Variants in ATP8A1 observed in about 807,000 individuals in gnomAD.
The protein encoded by ATP8A1 is phospholipid-transporting ATPase IA.
In ATP8A1, 90 loss-of-function variants were observed where a neutral mutation model predicts 177.7. The observed-to-expected ratio is 0.51, with a 90% CI of 0.43 to 0.60. ATP8A1 has a LOEUF of 0.60. Among genes scored for constraint, ATP8A1 ranks in the 20% least tolerant of loss-of-function variants. The pLI, the probability that ATP8A1 is intolerant of heterozygous loss-of-function variation, is 0.00. For missense variants in ATP8A1, 1,072 were observed against 1,392.8 expected (o/e 0.77, Z 3.67); for synonymous variants, 493 against 485.9 (o/e 1.01, Z -0.19).
intron 24 of ATP8A1, among the ~76,000 whole-genome samples, chr4:42,500,365 A>AAAAAC (rs142164207): frequency 0.049 from 7,298 of 149,382 alleles, 211 homozygotes; most frequent in Middle Eastern, 0.079. Flanking sequence ...ACTCGGTCTC[A>AAAAAC]AAAACAAAAC....
chr4:42,540,994 C>T (rs557317995), intron 20 of ATP8A1, among the ~76,000 whole-genome samples: 29 of 152,060 alleles, frequency 1.9e-4, no homozygotes, highest in Middle Eastern at 3.4e-3. Flanking sequence ...CTCATGTACC[C>T]CATAAATGTG....
chr4:42,611,857 C>T (rs1456740205), intron 5 of ATP8A1, among the ~76,000 whole-genome samples: 2 of 152,210 alleles, frequency 1.3e-5, no homozygotes, highest in East Asian at 3.8e-4. Context: ...AACAACTCAT[C>T]TCAGAGAAAA....
intron 9 of ATP8A1, among the ~76,000 whole-genome samples, chr4:42,585,241 A>G (rs998712932): frequency 1.3e-5 from 2 of 151,920 alleles, no homozygotes; most frequent in Non-Finnish European, 1.5e-5. Context: ...AAGACACCCA[A>G]TCTTCCTTAT....
At chr4:42,509,026 A>G (rs1196200415) in intron 22 of ATP8A1, among the ~76,000 whole-genome samples, 1 of 152,236 alleles carries the variant, frequency 6.6e-6, no homozygotes, top group Non-Finnish European at 1.5e-5. Context: ...TACCTGCATT[A>G]GTTTGGAATG....
At chr4:42,448,401 C>CTTTTTTTTTTTTTT (rs1226963744) in intron 30 of ATP8A1, among the ~76,000 whole-genome samples, 1,207 of 99,268 alleles carry the variant, frequency 0.012, 5 homozygotes, top group East Asian at 0.026. Context: ...TCTTTCTTTT[C>CTTTTTTTTTTTTTT]TTTTTTTTTT....
intron 22 of ATP8A1, among the ~76,000 whole-genome samples, chr4:42,509,919 T>G (rs1156308987): frequency 6.6e-6 from 1 of 151,990 alleles, no homozygotes; most frequent in Non-Finnish European, 1.5e-5. Context: ...AAATAAAATT[T>G]CCCCTCTGCT....
At chr4:42,648,811 CACT>C (rs1295418355) in intron 1 of ATP8A1, among the ~76,000 whole-genome samples, 1 of 152,004 alleles carries the variant, frequency 6.6e-6, no homozygotes, top group Non-Finnish European at 1.5e-5. Context: ...AAAAAATAAT[CACT>C]ACATTTACCA....
chr4:42,642,574 CA>C (rs1360805727), intron 1 of ATP8A1, among the ~76,000 whole-genome samples: 2 of 152,162 alleles, frequency 1.3e-5, no homozygotes, highest in Non-Finnish European at 2.9e-5. Context: ...GCACATTGCT[CA>C]GTGACATTAA....
At position 42,551,262 on chromosome 4, in the gene ATP8A1, C is replaced by G. The variant is rs774917399; in HGVS notation, c.1538G>C (p.Arg513Thr). ...AASPDEGALV[R>T]AAKQLNFVFT... ...AACAAAATTCAATTGCTTGGCTGCT[C>G]TGACCAATGCTCCCTCATCTGTTTT... is the stretch of plus-strand genomic sequence containing the variant. The change falls in exon 18 of 37, where the codon AGA becomes ACA. Residue 513 changes from arginine to threonine, a missense_variant. Transcript: ENST00000381668. 1.7e-5 allele frequency: 28 copies of G among 1,613,610 alleles called. No individual in the cohort carries two copies. Among genetic ancestry groups the G allele is most frequent in the Non-Finnish European group, 2.4e-5 (28 of 1,179,786 alleles).
intron 5 of ATP8A1, among the ~76,000 whole-genome samples, chr4:42,602,645 C>G (rs903591799): frequency 6.6e-6 from 1 of 151,952 alleles, no homozygotes; most frequent in Non-Finnish European, 1.5e-5. Flanking sequence ...GGCGCACACC[C>G]GTAGTCCCAG....
intron 30 of ATP8A1, 28 bp downstream of exon 30, chr4:42,451,953 T>C (rs747865149): frequency 7.4e-6 from 11 of 1,479,240 alleles, no homozygotes; most frequent in Non-Finnish European, 9.3e-6. Context: ...AAAAGTCATC[T>C]CTTTGCATTC....
intron 24 of ATP8A1, among the ~76,000 whole-genome samples, chr4:42,487,458 T>A (rs575366299): frequency 6.6e-6 from 1 of 152,102 alleles, no homozygotes; most frequent in South Asian, 2.1e-4. Flanking sequence ...ATATAATGAG[T>A]AATTCCCCTC....
chr4:42,519,222 T>C (rs926306664), intron 22 of ATP8A1, among the ~76,000 whole-genome samples: 3 of 152,096 alleles, frequency 2.0e-5, no homozygotes, highest in Admixed American at 2.0e-4. Context: ...CCTGAGTAGC[T>C]GGGACCACAG....
At chr4:42,471,579 A>C (rs769939451) in intron 25 of ATP8A1, among the ~76,000 whole-genome samples, 43 of 152,242 alleles carry the variant, frequency 2.8e-4, no homozygotes, top group Admixed American at 3.9e-4. Flanking sequence ...GCATGTGTGC[A>C]CTAATTAGCA....
intron 30 of ATP8A1, among the ~76,000 whole-genome samples, chr4:42,449,847 C>T (rs563245611): frequency 4.6e-5 from 7 of 152,296 alleles, no homozygotes; most frequent in Non-Finnish European, 8.8e-5. Flanking sequence ...GATGAAGTCA[C>T]TTGGGAATTC....
At chr4:42,509,849 C>CAAAAAAAAAAAAAAAAAAAAAAAA (rs751055015) in intron 22 of ATP8A1, among the ~76,000 whole-genome samples, 1 of 79,008 alleles carries the variant, frequency 1.3e-5, no homozygotes, top group African/African-American at 4.4e-5. Flanking sequence ...GAGACAGTCT[C>CAAAAAAAAAAAAAAAAAAAAAAAA]AAAAAAAAAA....
intron 4 of ATP8A1, among the ~76,000 whole-genome samples, chr4:42,620,762 G>A (rs1043433028): frequency 6.6e-6 from 1 of 152,200 alleles, no homozygotes; most frequent in Admixed American, 6.5e-5. Flanking sequence ...AGGACATAGA[G>A]TAAGTACAAC....
intron 34 of ATP8A1, among the ~76,000 whole-genome samples, chr4:42,423,163 C>CT (rs1178031387): frequency 6.6e-6 from 1 of 151,762 alleles, no homozygotes; most frequent in Non-Finnish European, 1.5e-5. Flanking sequence ...TAAATGCTAT[C>CT]TTTTTTGTGG....
chr4:42,656,978 C>T lies in ATP8A1; in HGVS notation c.-105G>A. 1 of 1,196,020 alleles carries T rather than the reference C, an allele frequency of 8.4e-7. No homozygotes were observed. The highest frequency in any genetic ancestry group is 1.6e-5 in the African/African-American group (1 of 63,282). 74.1% of individuals were successfully genotyped at this position (1,196,020 alleles called of 1,614,324 possible). On this transcript the variant is annotated 5_prime_UTR_variant, in exon 1 of 37. Coordinates refer to ENST00000381668, the MANE Select transcript of ATP8A1 (RefSeq NM_006095.2). ...GCCGCGCAGAGCGCTCAGCTGCAGC[C>T]TGGGCCGCGCCGCCGCCCACCTAGG...
Sources: allele counts gnomAD v4.1 joint callset (sites outside exome capture counted in the v4.1 genomes callset), GRCh38; gene constraint gnomAD v4.1.1; transcripts MANE v1.5; gene names NCBI Gene and HGNC (gene_info 2026-07-23, HGNC 2026-07-21).